Variants in SPANXN4 observed in about 807,000 individuals in gnomAD.
The protein encoded by SPANXN4 is sperm protein associated with the nucleus on the X chromosome N4.
A neutral mutation model predicts 6.0 loss-of-function variants in SPANXN4; 5 were observed. That is an observed-to-expected ratio of 0.83 (90% CI 0.44 to 1.75). SPANXN4 has a LOEUF of 1.75. Among genes scored for constraint, SPANXN4 ranks in the 40% most tolerant of loss-of-function variants. The pLI, the probability that SPANXN4 is intolerant of heterozygous loss-of-function variation, is 0.02. For synonymous variants in SPANXN4, 45 were observed against 38.0 expected (o/e 1.19, Z -0.68); for missense variants, 157 against 108.6 (o/e 1.45, Z -1.98).
rs201174097 is a variant in SPANXN4, at chrX:143,034,011, T to C, written c.79-17T>C. The C allele has an allele frequency of 6.9e-6, 8 of 1,158,604 alleles. No individual in the cohort carries two copies. Among genetic ancestry groups the C allele is most frequent in the Non-Finnish European group, 9.2e-6 (8 of 869,028 alleles). On this transcript the variant is annotated splice_polypyrimidine_tract_variant and intron_variant, in intron 1 of 2. Transcript: ENST00000370504. ...AAATAACACCATTCTGGCCTCTCCC[T>C]GTTTTTTTACCAGAAGAAGAAGAAT... is the stretch of plus-strand genomic sequence containing the variant.
downstream of SPANXN4, among the ~76,000 whole-genome samples, chrX:143,038,294 T>C (rs1489341808): frequency 1.8e-5 from 2 of 112,145 alleles, no homozygotes; most frequent in Non-Finnish European, 3.8e-5. Flanking sequence ...CTTTTCTACA[T>C]GAAAACTGTT....
In SPANXN4 at chrX:143,026,272, T is replaced by C. The variant is rs752106793; in HGVS notation, c.78+180T>C. Among the ~76,000 whole-genome samples, 3 of 111,805 alleles carry C rather than the reference T, an allele frequency of 2.7e-5. No individual in the cohort carries two copies. In the East Asian group the frequency reaches 8.5e-4, roughly 32 times the overall value. ...CTTATAGGTATGGGTGGGAGAGGTT[T>C]GGGCAGTATGGCTGGCTGCTCGGCG... On this transcript the variant is annotated intron_variant, in intron 1 of 2. Transcript: ENST00000370504.
chrX:143,029,099 G>A (rs1408332116), intron 1 of SPANXN4, among the ~76,000 whole-genome samples: 1 of 111,211 alleles, frequency 9.0e-6, no homozygotes, highest in Non-Finnish European at 1.9e-5. Context: ...GGGTAATAAT[G>A]ATGAAATTTT....
chrX:143,036,133 G>A (rs1332187084), downstream of SPANXN4, among the ~76,000 whole-genome samples: 1 of 108,790 alleles, frequency 9.2e-6, no homozygotes, highest in Non-Finnish European at 1.9e-5. Context: ...GCAGATGGAT[G>A]GTAACCAAAA....
downstream of SPANXN4, among the ~76,000 whole-genome samples, chrX:143,037,188 C>A (rs1932847741): frequency 9.1e-6 from 1 of 110,428 alleles, no homozygotes; most frequent in Non-Finnish European, 1.9e-5. Context: ...TTTTTCCCTT[C>A]AAAAAAACCG....
At chrX:143,032,114 G>A (rs924498757) in intron 1 of SPANXN4, among the ~76,000 whole-genome samples, 13 of 111,993 alleles carry the variant, frequency 1.2e-4, no homozygotes, top group Middle Eastern at 4.6e-3. Context: ...TGGGGAGAGG[G>A]TGGAGGAGAG....
chrX:143,025,955 G>A (rs1932775796), exon 1 of SPANXN4: 1 of 1,108,783 alleles, frequency 9.0e-7, no homozygotes, highest in Non-Finnish European at 1.2e-6. Context: ...CTTCAATACA[G>A]CTGTGGAAAT....
downstream of SPANXN4, among the ~76,000 whole-genome samples, chrX:143,036,535 A>AT (rs1325481844): frequency 8.9e-6 from 1 of 112,026 alleles, no homozygotes; most frequent in African/African-American, 3.2e-5. Flanking sequence ...AATACGATTC[A>AT]TTGAATTATC....
chrX:143,037,590 C>A (rs1932849808), downstream of SPANXN4, among the ~76,000 whole-genome samples: 1 of 111,321 alleles, frequency 9.0e-6, no homozygotes, highest in Admixed American at 9.6e-5. Flanking sequence ...CAATTCCTAA[C>A]CATTTCCTGG....
intron 1 of SPANXN4, among the ~76,000 whole-genome samples, chrX:143,033,000 C>T (rs1334293295): frequency 1.8e-5 from 2 of 111,600 alleles, no homozygotes; most frequent in African/African-American, 6.5e-5. Flanking sequence ...AGGCAGGCTG[C>T]GGTCACCTGG....
intron 1 of SPANXN4, among the ~76,000 whole-genome samples, chrX:143,027,100 G>A (rs1932783102): frequency 8.9e-6 from 1 of 112,203 alleles, no homozygotes; most frequent in African/African-American, 3.2e-5. Flanking sequence ...GAAGACACTG[G>A]GGGTGGACAG....
chrX:143,037,414 C>A (rs2124373827), downstream of SPANXN4, among the ~76,000 whole-genome samples: 1 of 111,564 alleles, frequency 9.0e-6, no homozygotes, highest in East Asian at 2.8e-4. Context: ...TGAGCCATTT[C>A]TATAATAACA....
At chrX:143,025,939 G>A in exon 1 of SPANXN4, 8 of 1,038,789 alleles carry the variant, frequency 7.7e-6, no homozygotes, top group Non-Finnish European at 9.2e-6. Context: ...ACAGCCCACT[G>A]GAAAGCTTCA....
At chrX:143,036,707 T>C (rs1382363385), downstream of SPANXN4, among the ~76,000 whole-genome samples, 1 of 112,051 alleles carries the variant, frequency 8.9e-6, no homozygotes, top group Non-Finnish European at 1.9e-5. Context: ...GGGAGAATCA[T>C]TCAAGTTTGC....
At chrX:143,030,348 C>T (rs761296650) in intron 1 of SPANXN4, among the ~76,000 whole-genome samples, 37 of 110,955 alleles carry the variant, frequency 3.3e-4, no homozygotes, top group African/African-American at 1.1e-3. Context: ...GGGTGACACC[C>T]GACATCCTCA....
downstream of SPANXN4, among the ~76,000 whole-genome samples, chrX:143,038,053 C>T (rs943722922): frequency 3.6e-5 from 4 of 111,668 alleles, no homozygotes; most frequent in Non-Finnish European, 7.5e-5. Context: ...AAATAATAGA[C>T]TTTCGATAGC....
exon 3 of SPANXN4, chrX:143,034,594 C>T (rs1198230095): frequency 7.7e-6 from 9 of 1,165,509 alleles, no homozygotes; most frequent in Admixed American, 2.6e-5. Flanking sequence ...ATGTAGGTGA[C>T]AGTGACACTC....
In SPANXN4 at chrX:143,034,334, T is replaced by A. The variant is rs777364972; in HGVS notation, c.283+102T>A. 4.2e-5 allele frequency: 44 copies of A among 1,038,116 alleles called. 1 individual carries two copies. The highest frequency in any genetic ancestry group is 3.3e-4 in the Middle Eastern group (1 of 3,048). 85.6% of individuals were successfully genotyped at this position (1,038,116 alleles called of 1,213,427 possible). A position where few individuals can be genotyped will look rare whatever the true frequency, so the allele number is the denominator to read the frequency against. On this transcript the variant is annotated intron_variant, in intron 2 of 2. Transcript: ENST00000370504. ...TGATGACTGTGTATACCTCTGCCTT[T>A]TTTTCTGATGGTGGGGAGGAAGGGA...
intron 1 of SPANXN4, among the ~76,000 whole-genome samples, chrX:143,028,554 G>A (rs1932790933): frequency 9.0e-6 from 1 of 111,424 alleles, no homozygotes. Flanking sequence ...TGAAACAAAT[G>A]TTGGCCCATT....
Sources: gnomAD v4.1 joint callset for allele counts (sites outside exome capture counted in the v4.1 genomes callset) on GRCh38, gnomAD v4.1.1 for gene constraint, MANE v1.5 for transcripts, NCBI Gene and HGNC (gene_info 2026-07-23, HGNC 2026-07-21) for gene names.